ZFYVE9: variants seen among roughly 807,000 people sequenced by gnomAD.
ZFYVE9 encodes zinc finger FYVE-type containing 9.
A neutral mutation model predicts 126.7 loss-of-function variants in ZFYVE9; 43 were observed. The observed-to-expected ratio is 0.34, with a 90% confidence interval of 0.27 to 0.44. The LOEUF (loss-of-function observed/expected upper bound fraction) is 0.44. ZFYVE9 is among the 20% of genes least tolerant of loss of function. ZFYVE9 has a pLI of 1.00. For missense variants in ZFYVE9, 1,476 were observed against 1,697.0 expected, an observed-to-expected ratio of 0.87 and a Z score of 2.29; for synonymous variants, 521 against 597.4, an observed-to-expected ratio of 0.87 and a Z score of 1.87.
chr1:52,173,036 A>G (rs1041495731), intron 1 of ZFYVE9, among the ~76,000 whole-genome samples: 1 of 151,000 alleles, frequency 6.6e-6, no homozygotes, highest in African/African-American at 2.4e-5. Context: ...TTCCAACACT[A>G]TGTTGAATAG....
intron 4 of ZFYVE9, among the ~76,000 whole-genome samples, chr1:52,246,698 A>ATTT (rs759969701): frequency 7.1e-5 from 7 of 99,272 alleles, no homozygotes; most frequent in South Asian, 6.0e-4. Context: ...CGTGTAACTA[A>ATTT]TTTTTTTTTT....
chr1:52,283,252 T>C (rs1054618634), intron 10 of ZFYVE9, among the ~76,000 whole-genome samples: 4 of 152,186 alleles, frequency 2.6e-5, no homozygotes, highest in Non-Finnish European at 4.4e-5. Context: ...TTCAAGTAAT[T>C]GTAGATTCAT....
At chr1:52,268,779 C>A in intron 7 of ZFYVE9, 147 bp downstream of exon 7, 1 of 922,818 alleles carries the variant, frequency 1.1e-6, no homozygotes, top group Non-Finnish European at 1.5e-6. Context: ...GTAAATGTGG[C>A]AAAAATCAGC....
At chr1:52,288,925 CAAAAAAAAAAAAAA>C (rs775138803) in intron 10 of ZFYVE9, among the ~76,000 whole-genome samples, 2 of 62,058 alleles carry the variant, frequency 3.2e-5, no homozygotes, top group Non-Finnish European at 6.9e-5. Flanking sequence ...GACTCTGTCT[CAAAAAAAAAAAAAA>C]AAAAAAAGAA....
chr1:52,325,566 A>G (rs1025367333), intron 13 of ZFYVE9, among the ~76,000 whole-genome samples: 4 of 152,214 alleles, frequency 2.6e-5, no homozygotes, highest in Non-Finnish European at 4.4e-5. Flanking sequence ...TACCCAATCT[A>G]TGTGACACTA....
At chr1:52,309,835 T>C (rs1480235966) in intron 13 of ZFYVE9, among the ~76,000 whole-genome samples, 1 of 152,148 alleles carries the variant, frequency 6.6e-6, no homozygotes, top group Admixed American at 6.5e-5. Context: ...GGAAAGACTT[T>C]AAGCTTAGAA....
chr1:52,277,430 T>C (rs1445972430), intron 8 of ZFYVE9, among the ~76,000 whole-genome samples: 1 of 152,188 alleles, frequency 6.6e-6, no homozygotes, highest in African/African-American at 2.4e-5. Flanking sequence ...AACAGTGAAT[T>C]ATCTATATTA....
intron 1 of ZFYVE9, among the ~76,000 whole-genome samples, chr1:52,214,055 G>C (rs748678062): frequency 2.6e-5 from 4 of 152,176 alleles, no homozygotes; most frequent in Non-Finnish European, 5.9e-5. Context: ...TTGAATAGAG[G>C]ATACTTTGAA....
chr1:52,189,028 C>T (rs975699141), intron 1 of ZFYVE9, among the ~76,000 whole-genome samples: 2 of 151,924 alleles, frequency 1.3e-5, no homozygotes, highest in African/African-American at 2.4e-5. Flanking sequence ...ACCTCTGCCT[C>T]CCAGGTTCGA....
chr1:52,346,351 G>T lies in ZFYVE9; in HGVS notation c.*130G>T. ...TAATGGGGTGGGGAATAGGGTGGGA[G>T]TGGGGGTTTGGGAGACGGGTGGGAA... On this transcript the variant is annotated 3_prime_UTR_variant, in exon 19 of 19. Coordinates refer to ENST00000287727, the MANE Select transcript of ZFYVE9 (RefSeq NM_004799.4). 2.3e-6 allele frequency: 2 copies of T among 880,796 alleles called. No individual in the cohort carries two copies. Among genetic ancestry groups the T allele is most frequent in the Non-Finnish European group, 3.2e-6 (2 of 624,014 alleles). 54.6% of individuals were successfully genotyped at this position (880,796 alleles called of 1,614,324 possible). A position where few individuals can be genotyped will look rare whatever the true frequency, so the allele number is the denominator to read the frequency against.
chr1:52,275,660 CAT>C (rs1484274547), intron 8 of ZFYVE9, among the ~76,000 whole-genome samples: 1 of 152,032 alleles, frequency 6.6e-6, no homozygotes, highest in African/African-American at 2.4e-5. Context: ...TTATTGCTGA[CAT>C]ATATGGATCA....
chr1:52,193,880 T>C (rs1644838104), intron 1 of ZFYVE9, among the ~76,000 whole-genome samples: 1 of 151,762 alleles, frequency 6.6e-6, no homozygotes, highest in Non-Finnish European at 1.5e-5. Context: ...CGTTGAAAAA[T>C]AGGGGAAAAT....
At chr1:52,181,240 G>C (rs1007742067) in intron 1 of ZFYVE9, among the ~76,000 whole-genome samples, 157 of 152,294 alleles carry the variant, frequency 1.0e-3, no homozygotes, top group Non-Finnish European at 1.4e-3. Flanking sequence ...GCGCTGCCAC[G>C]CCTGACTGGT....
At chr1:52,195,674 CACAG>C in intron 1 of ZFYVE9, among the ~76,000 whole-genome samples, 1 of 44,150 alleles carries the variant, frequency 2.3e-5, no homozygotes, top group African/African-American at 4.0e-5. Context: ...GCAAAATAGA[CACAG>C]AGTGTTTTTT....
chr1:52,182,770 A>G (rs1386292870), intron 1 of ZFYVE9, among the ~76,000 whole-genome samples: 1 of 151,846 alleles, frequency 6.6e-6, no homozygotes, highest in Non-Finnish European at 1.5e-5. Context: ...AAAAATAAAA[A>G]AAAATAAATA....
intron 1 of ZFYVE9, among the ~76,000 whole-genome samples, chr1:52,145,443 G>A (rs555484117): frequency 2.6e-5 from 4 of 152,296 alleles, no homozygotes; most frequent in African/African-American, 9.6e-5. Flanking sequence ...TAAAGATATG[G>A]CGTATATATG....
At position 52,194,271 on chromosome 1, in the gene ZFYVE9, T is replaced by C. The variant is rs540033738; in HGVS notation, c.-142-22098T>C. ...AGCATAGAAAACATAGGCTAATGTG[T>C]TCATAATATTGGTATAAAAAAGGCT... On this transcript the variant is annotated intron_variant, in intron 1 of 18. Coordinates refer to ENST00000287727, the MANE Select transcript of ZFYVE9 (RefSeq NM_004799.4). Among the ~76,000 whole-genome samples the C allele has an allele frequency of 2.9e-3, 447 of 152,232 alleles. 2 individuals carry two copies. The highest frequency in any genetic ancestry group is 0.01 in the African/African-American group (424 of 41,558).
At chr1:52,253,473 A>G (rs1645472237) in intron 4 of ZFYVE9, 2 of 568,990 alleles carry the variant, frequency 3.5e-6, no homozygotes, top group Admixed American at 3.3e-5. Flanking sequence ...AGATAGTGAA[A>G]TTGACACTGG....
chr1:52,218,288 C>T (rs1030832649), intron 2 of ZFYVE9, among the ~76,000 whole-genome samples: 7 of 152,280 alleles, frequency 4.6e-5, no homozygotes, highest in Non-Finnish European at 8.8e-5. Context: ...TACATCCTCT[C>T]GGGGATGGAC....
Sources: allele counts gnomAD v4.1 joint callset (sites outside exome capture counted in the v4.1 genomes callset), GRCh38; gene constraint gnomAD v4.1.1; transcripts MANE v1.5; gene names NCBI Gene and HGNC (gene_info 2026-07-23, HGNC 2026-07-21).